CLEC16A: variants seen among roughly 807,000 people sequenced by gnomAD.
CLEC16A encodes the protein C-type lectin domain containing 16A, also known as protein CLEC16A.
A neutral mutation model predicts 109.5 loss-of-function variants in CLEC16A; 51 were observed. The observed-to-expected ratio is 0.47, with a 90% CI of 0.37 to 0.59. The LOEUF (loss-of-function observed/expected upper bound fraction) is 0.59. Ranked by LOEUF, CLEC16A falls within the 20% of genes least tolerant of loss-of-function variation. The probability of loss-of-function intolerance (pLI) is 0.00; values close to 1 mark genes in which losing one functional copy is unlikely to be tolerated. For missense variants in CLEC16A, 1,339 were observed against 1,394.0 expected, an observed-to-expected ratio of 0.96 and a Z score of 0.63; for synonymous variants, 673 against 564.2, an observed-to-expected ratio of 1.19 and a Z score of -2.73.
chr16:11,004,791 A>G (rs2044892079), intron 11 of CLEC16A, among the ~76,000 whole-genome samples: 1 of 151,962 alleles, frequency 6.6e-6, no homozygotes, highest in Admixed American at 6.6e-5. Context: ...TATGGTTGAG[A>G]TCTCCAGCCT....
chr16:11,050,668 G>A (rs1054651830), intron 17 of CLEC16A, among the ~76,000 whole-genome samples: 1 of 152,234 alleles, frequency 6.6e-6, no homozygotes, highest in African/African-American at 2.4e-5. Flanking sequence ...CTTCGCAGAG[G>A]TGGTGTGGAA....
At position 10,979,431 on chromosome 16, in the gene CLEC16A, G is replaced by A. The variant is rs1056122886; in HGVS notation, c.957+49G>A. ...TCCCCACTACATTTGGGGTCCCTTG[G>A]CGTGCCACTGCCTTGAAGAAAATCC... On this transcript the variant is annotated intron_variant, in intron 9 of 23. Transcript: ENST00000409790. 19 of 1,536,118 alleles carry A rather than the reference G, an allele frequency of 1.2e-5. No individual in the cohort carries two copies. The Admixed American group carries it at 1.3e-4, about 10-fold the overall frequency.
intron 1 of CLEC16A, 62 bp downstream of exon 1, chr16:10,944,859 C>G: frequency 6.9e-7 from 1 of 1,443,868 alleles, no homozygotes; most frequent in Admixed American, 2.0e-5. Context: ...GCGCCGAGCT[C>G]CGGGTCGGGG....
intron 3 of CLEC16A, among the ~76,000 whole-genome samples, chr16:10,966,204 AAAG>A (rs1354894743): frequency 2.6e-5 from 4 of 152,250 alleles, no homozygotes; most frequent in Non-Finnish European, 5.9e-5. Flanking sequence ...GCAAAAAAGA[AAAG>A]AAAAAGGAAA....
At chr16:11,110,790 C>T (rs780208065) in intron 19 of CLEC16A, among the ~76,000 whole-genome samples, 2 of 152,186 alleles carry the variant, frequency 1.3e-5, no homozygotes, top group Non-Finnish European at 2.9e-5. Context: ...ACCTGAGACT[C>T]AGAAAAGGGA....
chr16:10,997,935 CTGCTG>C (rs922749655), intron 10 of CLEC16A, among the ~76,000 whole-genome samples: 1 of 152,240 alleles, frequency 6.6e-6, no homozygotes, highest in African/African-American at 2.4e-5. Context: ...TCTTTGTAAG[CTGCTG>C]TACCCACACC....
intron 3 of CLEC16A, among the ~76,000 whole-genome samples, chr16:10,968,190 G>A (rs938331204): frequency 7.2e-5 from 11 of 152,260 alleles, no homozygotes; most frequent in Non-Finnish European, 1.6e-4. Flanking sequence ...AACACAGAGG[G>A]AAATATGCCT....
In CLEC16A at chr16:11,182,050, C is replaced by T. The variant is rs1265194398; in HGVS notation, c.*3360C>T. 6.6e-6 allele frequency: 1 copy of T among 152,422 alleles called. No individual in the cohort carries two copies. Among genetic ancestry groups the T allele is most frequent in the Non-Finnish European group, 1.5e-5 (1 of 68,044 alleles). 9.4% of individuals were successfully genotyped at this position (152,422 alleles called of 1,614,324 possible). On this transcript the variant is annotated 3_prime_UTR_variant, in exon 24 of 24. Transcript: ENST00000409790. ...AGAAAACCTCGATGCCTCTGAGCCT[C>T]GGGACCGCTCTAGGGAAGTACCTGC...
At chr16:11,019,640 G>T (rs1281981672) in intron 11 of CLEC16A, among the ~76,000 whole-genome samples, 1 of 152,070 alleles carries the variant, frequency 6.6e-6, no homozygotes, top group Admixed American at 6.5e-5. Context: ...GTGGTGGCAA[G>T]CGCCTGTAAT....
intron 22 of CLEC16A, among the ~76,000 whole-genome samples, chr16:11,154,316 C>A (rs957391731): frequency 6.6e-6 from 1 of 152,188 alleles, no homozygotes; most frequent in Non-Finnish European, 1.5e-5. Flanking sequence ...TCAAGCTCAT[C>A]CATTCAACTC....
At chr16:11,160,135 A>C (rs551036693) in intron 22 of CLEC16A, among the ~76,000 whole-genome samples, 3 of 152,258 alleles carry the variant, frequency 2.0e-5, no homozygotes, top group Admixed American at 2.0e-4. Context: ...TTAAGCCTGA[A>C]ATAGTTGCAC....
Position 10,972,932 on chromosome 16 carries a change from T to G in CLEC16A, c.605-6T>G. 6.3e-7 allele frequency: 1 copy of G among 1,583,184 alleles called. No individual in the cohort carries two copies. The highest frequency in any genetic ancestry group is 8.6e-7 in the Non-Finnish European group (1 of 1,168,620). On this transcript the variant is annotated splice_polypyrimidine_tract_variant and splice_region_variant and intron_variant, in intron 6 of 23. Transcript: ENST00000409790. ...GACTTTTTTTTTCTTCTGTGAATTT[T>G]CTCAGTGGATAACCAGGCCATGCTG...
chr16:11,123,670 TG>T (rs2052592581), intron 20 of CLEC16A, 71 bp from the exon 21 acceptor site: 1 of 1,447,602 alleles, frequency 6.9e-7, no homozygotes, highest in African/African-American at 1.4e-5. Flanking sequence ...AGATGCCTCA[TG>T]ATGCCACAGC....
chr16:11,030,418 C>T (rs968803994), intron 13 of CLEC16A, among the ~76,000 whole-genome samples: 2 of 152,188 alleles, frequency 1.3e-5, no homozygotes, highest in East Asian at 3.8e-4. Context: ...TCCTTTACCT[C>T]CTTTCCAACA....
chr16:11,105,821 C>T (rs998592), intron 19 of CLEC16A, among the ~76,000 whole-genome samples: 58,932 of 152,072 alleles, frequency 0.39, 11,662 homozygotes, highest in Non-Finnish European at 0.43. Context: ...CAGATAGTTG[C>T]TGAGTGAGCC....
chr16:11,027,388 A>G, intron 13 of CLEC16A: 1 of 1,409,622 alleles, frequency 7.1e-7, no homozygotes, highest in South Asian at 1.1e-5. Flanking sequence ...GTCTTTGTAA[A>G]AGTCACCCCC....
chr16:11,068,594 C>G (rs1056426126), intron 19 of CLEC16A, among the ~76,000 whole-genome samples: 2 of 152,166 alleles, frequency 1.3e-5, no homozygotes, highest in Non-Finnish European at 2.9e-5. Flanking sequence ...AACCTGTCTC[C>G]CTGCAGGCTT....
At chr16:10,998,731 C>T (rs187990444) in intron 10 of CLEC16A, among the ~76,000 whole-genome samples, 2 of 152,252 alleles carry the variant, frequency 1.3e-5, no homozygotes, top group Admixed American at 1.3e-4. Context: ...TTCATTCCTA[C>T]AGCCATGAGC....
chr16:10,973,115 A>T, intron 7 of CLEC16A, 54 bp downstream of exon 7: 1 of 1,535,818 alleles, frequency 6.5e-7, no homozygotes, highest in Non-Finnish European at 8.8e-7. Flanking sequence ...TTAGGGGAGA[A>T]TTCTGTTTTC....
Sources: allele counts gnomAD v4.1 joint callset (sites outside exome capture counted in the v4.1 genomes callset), GRCh38; gene constraint gnomAD v4.1.1; transcripts MANE v1.5; gene names NCBI Gene and HGNC (gene_info 2026-07-23, HGNC 2026-07-21).